The following PDK1 variants were observed in gnomAD, a reference collection of about 807,000 sequenced individuals.
PDK1 encodes the protein [Pyruvate dehydrogenase (acetyl-transferring)] kinase isozyme 1, mitochondrial.
In PDK1, 39 loss-of-function variants were observed where a neutral mutation model predicts 54.2. The observed-to-expected ratio is 0.72, with a 90% CI of 0.56 to 0.94. The LOEUF is 0.94. PDK1 is among the 40% of genes least tolerant of loss of function. The pLI is 0.00. For synonymous variants in PDK1, 221 were observed against 207.1 expected (o/e 1.07, Z -0.58); for missense variants, 552 against 566.0 (o/e 0.98, Z 0.25).
the PDK1 span, among the ~76,000 whole-genome samples, chr2:172,716,371 G>A: frequency 8.6e-5 from 13 of 151,908 alleles, no homozygotes; most frequent in Admixed American, 6.6e-4. Context: ...GTCTTGCTCT[G>A]TTGCCCAGGC....
the PDK1 span, among the ~76,000 whole-genome samples, chr2:172,624,606 C>G: frequency 6.6e-6 from 1 of 152,124 alleles, no homozygotes; most frequent in South Asian, 2.1e-4. Flanking sequence ...CACTAGAGAT[C>G]ATTTGAGTGG....
intron 8 of PDK1, among the ~76,000 whole-genome samples, chr2:172,575,255 G>A (rs543615799): frequency 6.6e-6 from 1 of 152,112 alleles, no homozygotes; most frequent in Non-Finnish European, 1.5e-5. Flanking sequence ...TTACGTTGAT[G>A]TTCATAAGGT....
intron 6 of PDK1, among the ~76,000 whole-genome samples, chr2:172,568,505 CGATTGTGATGCAA>C: frequency 6.6e-6 from 1 of 152,052 alleles, no homozygotes; most frequent in South Asian, 2.1e-4. Context: ...TGGGTTGGTT[CGATTGTGATGCAA>C]GATTGTGAGA....
At position 172,564,604 on chromosome 2, in the gene PDK1, C is replaced by G. The variant is rs376493503; in HGVS notation, c.512C>G (p.Pro171Arg). Reference sequence around the variant, plus strand: ...TACAAGGAGAGCTTTGGGGTGGATCCTGTCACCAGCCAGAATGTTCAGTAC... The same window carrying G: ...TACAAGGAGAGCTTTGGGGTGGATCGTGTCACCAGCCAGAATGTTCAGTAC... Reference protein sequence around the residue: ...IEYKESFGVDPVTSQNVQYFL... With the variant: ...IEYKESFGVDRVTSQNVQYFL... Residue 171 changes from proline (P) to arginine (R), a missense_variant, in exon 4 of 11, where the codon CCT becomes CGT. By Grantham distance (103) the Pro-to-Arg change is moderately radical. Transcript: ENST00000282077. The G allele has an allele frequency of 6.2e-6, 10 of 1,614,100 alleles. No individual in the cohort carries two copies. The African/African-American group carries it at 1.2e-4, about 19-fold the overall frequency.
chr2:172,622,451 ATG>A, the PDK1 span, among the ~76,000 whole-genome samples: 3 of 148,520 alleles, frequency 2.0e-5, no homozygotes, highest in South Asian at 2.2e-4. Context: ...CTCATATATT[ATG>A]TGAGATGTTT....
chr2:172,583,950 T>C (rs905196188), intron 8 of PDK1, among the ~76,000 whole-genome samples: 2 of 152,158 alleles, frequency 1.3e-5, no homozygotes, highest in Admixed American at 1.3e-4. Context: ...ATGGCTGTAG[T>C]AGATTAGAAT....
the PDK1 span, among the ~76,000 whole-genome samples, chr2:172,622,210 A>T: frequency 8.7e-5 from 12 of 138,504 alleles, no homozygotes; most frequent in African/African-American, 3.2e-4. Context: ...TTATATCATG[A>T]GAGATATGTT....
At chr2:172,705,631 CAATTT>C in the PDK1 span, among the ~76,000 whole-genome samples, 1 of 152,176 alleles carries the variant, frequency 6.6e-6, no homozygotes, top group African/African-American at 2.4e-5. Context: ...AATCTTCACT[CAATTT>C]AAATGATGGT....
the PDK1 span, among the ~76,000 whole-genome samples, chr2:172,710,758 C>A: frequency 6.6e-6 from 1 of 152,202 alleles, no homozygotes; most frequent in Non-Finnish European, 1.5e-5. Flanking sequence ...TAGTTCTCAA[C>A]CTTTTATTCT....
At chr2:172,699,323 G>C in the PDK1 span, among the ~76,000 whole-genome samples, 1 of 152,190 alleles carries the variant, frequency 6.6e-6, no homozygotes. Flanking sequence ...TAATTATCAG[G>C]AAACCTCAAC....
At position 172,585,071 on chromosome 2, in the gene PDK1, A is replaced by G. The variant is rs147981160; in HGVS notation, c.946-1207A>G. 1.1e-4 allele frequency among the ~76,000 whole-genome samples: 16 copies of G among 151,948 alleles called. 1 individual carries two copies. In the East Asian group the frequency reaches 3.1e-3, roughly 29 times the overall value. On this transcript the variant is annotated intron_variant, in intron 8 of 10. Coordinates refer to ENST00000282077, the MANE Select transcript of PDK1 (RefSeq NM_002610.5). ...GAGTACAGTGGTGCCATCATACCTC[A>G]CTATAGCCTCCACCTCCTGGGCTCA... is the stretch of plus-strand genomic sequence containing the variant.
chr2:172,592,804 A>T (rs995179066), intron 9 of PDK1, 131 bp from the exon 10 acceptor site: 7 of 455,672 alleles, frequency 1.5e-5, no homozygotes, highest in South Asian at 3.2e-5. Flanking sequence ...AATATTAATT[A>T]TATTAAATAT....
chr2:172,661,497 A>C, the PDK1 span, among the ~76,000 whole-genome samples: 1 of 152,242 alleles, frequency 6.6e-6, no homozygotes, highest in East Asian at 1.9e-4. Flanking sequence ...CAGTGACGTC[A>C]GCCATGAAAT....
chr2:172,685,065 GC>G, the PDK1 span, among the ~76,000 whole-genome samples: 1 of 151,996 alleles, frequency 6.6e-6, no homozygotes, highest in Non-Finnish European at 1.5e-5. Context: ...TAAAGAAGGC[GC>G]TTGCTTCCCC....
At position 172,596,258 on chromosome 2, in the gene PDK1, G is replaced by T; in HGVS notation, c.*289G>T. 1 of 223,824 alleles carries T rather than the reference G, an allele frequency of 4.5e-6. No individual in the cohort carries two copies. Among genetic ancestry groups the T allele is most frequent in the Non-Finnish European group, 8.6e-6 (1 of 116,332 alleles). The allele number at this position is 223,824 out of a possible 1,614,324, so 13.9% of individuals were successfully genotyped here. On this transcript the variant is annotated 3_prime_UTR_variant, in exon 11 of 11. Coordinates refer to ENST00000282077, the MANE Select transcript of PDK1 (RefSeq NM_002610.5). The stretch of plus-strand genomic sequence containing the variant: ...GACTTCAGAAGTGTGGAAATCTTCG[G>T]GTTTCTATAGGAAACTAGTTTTTTT...
At chr2:172,721,224 T>C in the PDK1 span, among the ~76,000 whole-genome samples, 2 of 152,348 alleles carry the variant, frequency 1.3e-5, no homozygotes, top group East Asian at 1.9e-4. Flanking sequence ...AACTATCTGA[T>C]GGGTTCAAGA....
intron 8 of PDK1, among the ~76,000 whole-genome samples, chr2:172,576,362 G>A (rs1267399628): frequency 7.2e-6 from 1 of 139,222 alleles, no homozygotes; most frequent in Non-Finnish European, 1.5e-5. Context: ...TTCATTCCTG[G>A]TTTTATAAAT....
At chr2:172,681,966 C>T in the PDK1 span, among the ~76,000 whole-genome samples, 1 of 152,292 alleles carries the variant, frequency 6.6e-6, no homozygotes, top group African/African-American at 2.4e-5. Flanking sequence ...CCATGTTGGC[C>T]AGGCTGGTCT....
chr2:172,669,948 G>C, the PDK1 span, among the ~76,000 whole-genome samples: 50 of 152,012 alleles, frequency 3.3e-4, 1 homozygote, highest in African/African-American at 1.1e-3. Context: ...TCCATCTGTG[G>C]GTTGCCTCTT....
Sources: gnomAD v4.1 joint callset for allele counts (sites outside exome capture counted in the v4.1 genomes callset) on GRCh38, gnomAD v4.1.1 for gene constraint, MANE v1.5 for transcripts, NCBI Gene and HGNC (gene_info 2026-07-23, HGNC 2026-07-21) for gene names.